CDC5L: variants seen among roughly 807,000 people sequenced by gnomAD.
The protein encoded by CDC5L is cell division cycle 5-like protein.
In CDC5L, 18 loss-of-function variants were observed where a neutral mutation model predicts 104.1. The ratio of observed to expected loss-of-function variants is 0.17; its 90% confidence interval spans 0.12 to 0.26. The LOEUF (loss-of-function observed/expected upper bound fraction) is 0.26. Ranked by LOEUF, CDC5L falls within the 10% of genes least tolerant of loss-of-function variation. The pLI is 1.00. For synonymous variants in CDC5L, 331 were observed against 322.7 expected, an observed-to-expected ratio of 1.03 and a Z score of -0.28; for missense variants, 673 against 956.9, an observed-to-expected ratio of 0.70 and a Z score of 3.91.
intron 1 of CDC5L, 24 bp downstream of exon 1, chr6:44,387,892 C>T (rs1413329887): frequency 3.9e-6 from 6 of 1,550,036 alleles, no homozygotes; most frequent in African/African-American, 1.4e-5. Context: ...TCCCGCCGTC[C>T]GCTGCCCGCC....
chr6:44,389,578 G>T (rs1186706566), intron 1 of CDC5L, among the ~76,000 whole-genome samples: 1 of 152,156 alleles, frequency 6.6e-6, no homozygotes, highest in Non-Finnish European at 1.5e-5. Flanking sequence ...TGGTGAAATG[G>T]TATCTAGAGA....
intron 14 of CDC5L, among the ~76,000 whole-genome samples, chr6:44,442,123 G>A (rs1042795582): frequency 6.6e-5 from 10 of 151,838 alleles, no homozygotes; most frequent in Non-Finnish European, 1.3e-4. Context: ...TTTTAGTAGA[G>A]ACGGGATTTC....
intron 10 of CDC5L, among the ~76,000 whole-genome samples, chr6:44,423,780 A>T (rs571021846): frequency 1.5e-4 from 23 of 152,346 alleles, no homozygotes; most frequent in African/African-American, 5.5e-4. Context: ...TAGTATTTCC[A>T]TTAAAAATAA....
intron 8 of CDC5L, among the ~76,000 whole-genome samples, chr6:44,414,179 A>T (rs1292485112): frequency 3.9e-5 from 6 of 151,992 alleles, no homozygotes; most frequent in Non-Finnish European, 7.4e-5. Flanking sequence ...TCTCTGGTTC[A>T]AGCAGCCCTC....
At chr6:44,388,259 A>T (rs943168127) in intron 1 of CDC5L, among the ~76,000 whole-genome samples, 5 of 150,084 alleles carry the variant, frequency 3.3e-5, no homozygotes, top group Admixed American at 1.3e-4. Flanking sequence ...TCTGTCTCAT[A>T]CTCAGAAATA....
chr6:44,392,926 G>A, intron 3 of CDC5L, 98 bp downstream of exon 3: 1 of 1,099,424 alleles, frequency 9.1e-7, no homozygotes, highest in Non-Finnish European at 1.3e-6. Flanking sequence ...TTTTAATTAT[G>A]GATGTGAGTA....
chr6:44,412,895 GC>G (rs1180469734), intron 8 of CDC5L, among the ~76,000 whole-genome samples: 4 of 144,182 alleles, frequency 2.8e-5, no homozygotes, highest in Non-Finnish European at 6.0e-5. Flanking sequence ...CCATTCTCCT[GC>G]CTCAGCCTCC....
At chr6:44,419,735 A>C in intron 9 of CDC5L, 138 bp downstream of exon 9, 2 of 682,220 alleles carry the variant, frequency 2.9e-6, no homozygotes, top group Non-Finnish European at 5.0e-6. Flanking sequence ...ATAGTAATAA[A>C]TAATAGTGTC....
chr6:44,407,397 G>A (rs1279860645), intron 7 of CDC5L, among the ~76,000 whole-genome samples: 1 of 151,846 alleles, frequency 6.6e-6, no homozygotes, highest in Non-Finnish European at 1.5e-5. Flanking sequence ...TGCCATCTAG[G>A]CTCACTGCAA....
chr6:44,396,126 G>A lies in CDC5L; in HGVS notation c.440-215G>A, dbSNP rs572361527. On this transcript the variant is annotated intron_variant, in intron 4 of 15. Coordinates refer to ENST00000371477, the MANE Select transcript of CDC5L (RefSeq NM_001253.4). ...CCATGCTTAGGGAGGGTAAGTAAGT[G>A]ACTAAGGTCACATAGCTAGCAAGTG... is the stretch of plus-strand genomic sequence containing the variant. Among the ~76,000 whole-genome samples the A allele has an allele frequency of 4.6e-5, 7 of 152,318 alleles. No individual in the cohort carries two copies. In the South Asian group the frequency reaches 1.5e-3, roughly 32 times the overall value.
chr6:44,419,409 T>G (rs898196439), intron 8 of CDC5L, 40 bp from the exon 9 acceptor site: 3 of 1,607,704 alleles, frequency 1.9e-6, no homozygotes, highest in Non-Finnish European at 1.7e-6. Context: ...CAAGTCTGTC[T>G]AAACTTTTAA....
At chr6:44,395,896 A>G (rs1790847981) in intron 4 of CDC5L, among the ~76,000 whole-genome samples, 1 of 152,236 alleles carries the variant, frequency 6.6e-6, no homozygotes, top group Non-Finnish European at 1.5e-5. Flanking sequence ...AAAAGTATCT[A>G]ATGATAGTTG....
chr6:44,414,756 C>T (rs2153379604), intron 8 of CDC5L, among the ~76,000 whole-genome samples: 1 of 152,224 alleles, frequency 6.6e-6, no homozygotes, highest in South Asian at 2.1e-4. Flanking sequence ...TTGATGTTCT[C>T]ATTTGCAGTA....
chr6:44,407,584 G>A (rs139880127), intron 7 of CDC5L, among the ~76,000 whole-genome samples: 389 of 152,220 alleles, frequency 2.6e-3, no homozygotes, highest in African/African-American at 8.8e-3. Flanking sequence ...TACCCACCTC[G>A]GCCTCCCAAA....
chr6:44,424,563 G>A lies in CDC5L; in HGVS notation c.1549G>A (p.Asp517Asn). ...IDDTYIEDAA[D>N]VDARKQAIRD... is the part of the protein sequence containing the mutation. ...TGATACTTACATTGAAGATGCTGCT[G>A]ATGTGGATGCTCGAAAGCAGGTGGG... Residue 517 changes from aspartate to asparagine, a missense_variant, in exon 11 of 16, where the codon GAT (aspartate) becomes AAT (asparagine). Physicochemically the swap from Asp to Asn is conservative, Grantham distance 23 (BLOSUM62 1). Transcript: ENST00000371477. The A allele has an allele frequency of 6.2e-7, 1 of 1,613,902 alleles. No homozygotes were observed. The highest frequency in any genetic ancestry group is 1.1e-5 in the South Asian group (1 of 91,060).
intron 14 of CDC5L, among the ~76,000 whole-genome samples, chr6:44,432,499 G>A (rs1792731864): frequency 1.3e-5 from 2 of 151,630 alleles, no homozygotes; most frequent in African/African-American, 4.9e-5. Flanking sequence ...GCTTTGTCGT[G>A]GCTGGTGTCT....
chr6:44,401,875 G>A (rs7758429), intron 5 of CDC5L, among the ~76,000 whole-genome samples: 108,802 of 130,700 alleles, frequency 0.83, 45,918 homozygotes, highest in Non-Finnish European at 0.92. Flanking sequence ...TCATTGTTCA[G>A]TTCCCACCTA....
At chr6:44,409,157 T>C (rs1428005277) in intron 8 of CDC5L, among the ~76,000 whole-genome samples, 1 of 152,214 alleles carries the variant, frequency 6.6e-6, no homozygotes, top group African/African-American at 2.4e-5. Context: ...GGAATATAAT[T>C]TTAAGGCTTT....
At chr6:44,436,256 G>C (rs574300569) in intron 14 of CDC5L, among the ~76,000 whole-genome samples, 2 of 152,254 alleles carry the variant, frequency 1.3e-5, no homozygotes, top group Non-Finnish European at 2.9e-5. Context: ...GATACTATGA[G>C]GTATTAGGAA....
Sources: allele counts gnomAD v4.1 joint callset (sites outside exome capture counted in the v4.1 genomes callset), GRCh38; gene constraint gnomAD v4.1.1; transcripts MANE v1.5; gene names NCBI Gene and HGNC (gene_info 2026-07-23, HGNC 2026-07-21).